MYLK2: variants seen among roughly 807,000 people sequenced by gnomAD.
The protein encoded by MYLK2 is myosin light chain kinase 2.
MYLK2 carries 27 observed loss-of-function variants against 58.2 expected under a neutral mutation model. The ratio of observed to expected loss-of-function variants is 0.46; its 90% CI spans 0.34 to 0.64. The LOEUF (loss-of-function observed/expected upper bound fraction) is 0.64. Among genes scored for constraint, MYLK2 ranks in the 30% least tolerant of loss-of-function variants. The pLI is 0.01. For missense variants in MYLK2, 676 were observed against 764.3 expected, an observed-to-expected ratio of 0.88 and a Z score of 1.36; for synonymous variants, 310 against 296.7, an observed-to-expected ratio of 1.04 and a Z score of -0.46.
intron 8 of MYLK2, among the ~76,000 whole-genome samples, chr20:31,828,965 T>C (rs1016418878): frequency 2.0e-5 from 3 of 152,072 alleles, no homozygotes; most frequent in African/African-American, 7.2e-5. Flanking sequence ...AGATGGAGGA[T>C]ACATTTTGGA....
Position 31,834,125 on chromosome 20 carries a change from GTGGTGA to G in MYLK2, c.*329_*334del, listed in dbSNP as rs2062322173. The G allele has an allele frequency of 2.6e-6, 1 of 389,070 alleles. No individual in the cohort carries two copies. The highest frequency in any genetic ancestry group is 4.9e-6 in the Non-Finnish European group (1 of 205,542). 24.1% of individuals were successfully genotyped at this position (389,070 alleles called of 1,614,324 possible). On this transcript the variant is annotated 3_prime_UTR_variant, in exon 13 of 13. Transcript: ENST00000375985. ...TCCTCGTCTTTGAACTGCCGCCGCC[GTGGTGA>G]CCCCTGCTTTGCCCCACTGGGAGAG...
Position 31,833,652 on chromosome 20 carries a change from C to T in MYLK2, c.1711-65C>T, listed in dbSNP as rs967463755. 3.5e-6 allele frequency: 5 copies of T among 1,432,122 alleles called. No homozygotes were observed. In the Admixed American group the frequency reaches 5.0e-5, roughly 14 times the overall value. The allele number at this position is 1,432,122 out of a possible 1,614,324, so 88.7% of individuals were successfully genotyped here. The stretch of plus-strand genomic sequence containing the variant: ...GACTGAAGGGGACTTACAGGCTGCT[C>T]AGACACCCTGCAGCTGCCCCCCTGC... On this transcript the variant is annotated intron_variant, in intron 12 of 12. Coordinates refer to ENST00000375985, the MANE Select transcript of MYLK2 (RefSeq NM_033118.4).
intron 5 of MYLK2, 22 bp downstream of exon 5, chr20:31,823,604 G>A: frequency 6.2e-7 from 1 of 1,607,862 alleles, no homozygotes; most frequent in Admixed American, 1.7e-5. Flanking sequence ...GACCCCAGCT[G>A]GGCACTCATG....
Position 31,820,337 on chromosome 20 carries a change from G to A in MYLK2, c.264G>A (p.Glu88=), listed in dbSNP as rs2062245924. 1.2e-6 allele frequency: 2 copies of A among 1,612,920 alleles called. No homozygotes were observed. Among genetic ancestry groups the A allele is most frequent in the Non-Finnish European group, 1.7e-6 (2 of 1,179,848 alleles). ...GTGACAGGGGCGGGGGGCCCGCGGA[G>A]GGCAGTGCTGGGCCCCCGGCAGCCC... ...GEGDRGGGPA[E]GSAGPPAALP... The change falls in exon 3 of 13, where the codon GAG becomes GAA. Residue 88 remains glutamate, a synonymous_variant. Transcript: ENST00000375985.
At position 31,833,768 on chromosome 20, in the gene MYLK2, T is replaced by C. The variant is rs1390693355; in HGVS notation, c.1762T>C (p.Ser588Pro). Residue 588 changes from serine (S) to proline (P), a missense_variant, in exon 13 of 13, where the codon TCG becomes CCG. This residue lies in a region of MYLK2 where 370 missense variants were observed against 467.8 expected (regional missense o/e 0.79). Coordinates refer to ENST00000375985, the MANE Select transcript of MYLK2 (RefSeq NM_033118.4). ...CAACCGCTTCAAGAAGATCAGCAGCTCGGGGGCACTGATGGCTCTGGGGGT... is the reference window on the plus strand; with the variant it reads ...CAACCGCTTCAAGAAGATCAGCAGCCCGGGGGCACTGATGGCTCTGGGGGT... ...AANRFKKISS[S>P]GALMALGV 6 of 1,613,534 alleles carry C rather than the reference T, an allele frequency of 3.7e-6. No homozygotes were observed. The highest frequency in any genetic ancestry group is 5.1e-6 in the Non-Finnish European group (6 of 1,180,012).
chr20:31,830,073 T>A (rs1417321020), intron 8 of MYLK2, among the ~76,000 whole-genome samples: 2 of 152,184 alleles, frequency 1.3e-5, no homozygotes, highest in Non-Finnish European at 2.9e-5. Context: ...GAGTCAGTCA[T>A]GCGTTCATTT....
rs2062320728 is a variant in MYLK2 at position 31,833,907 on chromosome 20, G to A, written c.*110G>A. ...CAGATCCCCAGGGCAGCCTCGTTAG[G>A]ACAAGGCTGTGCCAGGCTGGGAGGC... is the stretch of plus-strand genomic sequence containing the variant. On this transcript the variant is annotated 3_prime_UTR_variant, in exon 13 of 13. Transcript: ENST00000375985. 2.9e-6 allele frequency: 3 copies of A among 1,034,800 alleles called. No individual in the cohort carries two copies. Among genetic ancestry groups the A allele is most frequent in the African/African-American group, 3.2e-5 (2 of 63,438 alleles). The allele number at this position is 1,034,800 out of a possible 1,614,324, so 64.1% of individuals were successfully genotyped here.
chr20:31,819,805 G>A (rs1331021052), intron 2 of MYLK2, among the ~76,000 whole-genome samples, 173 bp downstream of exon 2: 1 of 152,218 alleles, frequency 6.6e-6, no homozygotes, highest in Admixed American at 6.5e-5. Flanking sequence ...TCCAGGGCCT[G>A]TATGAAGCCC....
chr20:31,824,255 C>T lies in MYLK2; in HGVS notation c.879-4C>T, dbSNP rs2062267194. On this transcript the variant is annotated splice_region_variant and splice_polypyrimidine_tract_variant and intron_variant, in intron 5 of 12. Coordinates refer to ENST00000375985, the MANE Select transcript of MYLK2 (RefSeq NM_033118.4). The stretch of plus-strand genomic sequence containing the variant: ...CCCTCACTTACAGCCTCTTCTCTTT[C>T]CAGTGGCAAGTTTGGGGCAGTCTGT... The T allele has an allele frequency of 6.2e-7, 1 of 1,613,048 alleles. No homozygotes were observed. The highest frequency in any genetic ancestry group is 2.2e-5 in the East Asian group (1 of 44,862).
intron 8 of MYLK2, chr20:31,828,784 G>T: frequency 1.1e-6 from 1 of 943,880 alleles, no homozygotes; most frequent in Non-Finnish European, 1.3e-6. Flanking sequence ...GGTTAGGTGT[G>T]TTAATATCAC....
intron 12 of MYLK2, among the ~76,000 whole-genome samples, chr20:31,833,032 A>G (rs2062314422): frequency 6.6e-6 from 1 of 152,130 alleles, no homozygotes; most frequent in Non-Finnish European, 1.5e-5. Context: ...GACCACAGAC[A>G]TATGCCACCA....
At chr20:31,829,740 G>C (rs1242905939) in intron 8 of MYLK2, among the ~76,000 whole-genome samples, 2 of 152,206 alleles carry the variant, frequency 1.3e-5, no homozygotes, top group African/African-American at 4.8e-5. Context: ...GGAATTCAGG[G>C]TTTTTGTGCA....
rs764056444 is a variant in MYLK2 at position 31,831,709 on chromosome 20, C to T, written c.1431C>T (p.Ser477=). ...TGCTATCCCCTCCCTCTAGGCTGAG[C>T]GGCCTCTCCCCCTTCCTGGGAGATG... ...SMGVITYMLL[S]GLSPFLGDDD... is the part of the protein sequence containing the mutation. The change falls in exon 11 of 13, where the codon AGC becomes AGT. Residue 477 remains serine (S), a synonymous_variant. Coordinates refer to ENST00000375985, the MANE Select transcript of MYLK2 (RefSeq NM_033118.4). 3.3e-5 allele frequency: 54 copies of T among 1,613,932 alleles called. No homozygotes were observed. In the South Asian group the frequency reaches 4.9e-4, roughly 15 times the overall value.
At chr20:31,833,130 G>A (rs147977423) in intron 12 of MYLK2, among the ~76,000 whole-genome samples, 1,903 of 152,002 alleles carry the variant, frequency 0.013, 35 homozygotes, top group African/African-American at 0.044. Flanking sequence ...TTGGCCTCTC[G>A]AAGTGTTGGG....
In MYLK2 at chr20:31,831,793, C is replaced by G. The variant is rs930435016; in HGVS notation, c.1515C>G (p.Thr505=). 1.9e-6 allele frequency: 3 copies of G among 1,614,148 alleles called. No homozygotes were observed. Among genetic ancestry groups the G allele is most frequent in the Non-Finnish European group, 2.5e-6 (3 of 1,180,016 alleles). ...LSGNWYFDEE[T]FEAVSDEAKD... ...GCAACTGGTACTTTGATGAAGAGAC[C>G]TTTGAGGCCGTATCAGACGAGGCCA... The change falls in exon 11 of 13, where the codon ACC becomes ACG. Residue 505 remains threonine, a synonymous_variant. Coordinates refer to ENST00000375985, the MANE Select transcript of MYLK2 (RefSeq NM_033118.4).
Position 31,823,580 on chromosome 20 carries a change from AG to A in MYLK2, c.878+1del. ...FSMNSKEALG[G>X]GKFGAVCTCM... ...GTATGAACTCCAAGGAGGCGCTCGG[AG>A]GGTGAGATCTGGGACCCCAGCTGGG... On this transcript the variant is annotated frameshift_variant and splice_region_variant, in exon 5 of 13. Coordinates refer to ENST00000375985, the MANE Select transcript of MYLK2 (RefSeq NM_033118.4). LOFTEE classifies it high-confidence loss of function. The A allele has an allele frequency of 6.2e-7, 1 of 1,613,802 alleles. No homozygotes were observed. Among genetic ancestry groups the A allele is most frequent in the Non-Finnish European group, 8.5e-7 (1 of 1,179,932 alleles).
At chr20:31,820,667 ACATTCAGTT>A (rs1332483340) in intron 3 of MYLK2, 121 bp downstream of exon 3, 3 of 1,271,222 alleles carry the variant, frequency 2.4e-6, no homozygotes, top group Non-Finnish European at 3.3e-6. Flanking sequence ...TGTAGTTCTG[ACATTCAGTT>A]TCCTCTGTCC....
Position 31,832,085 on chromosome 20 carries a change from C to T in MYLK2, c.1659C>T (p.Arg553=), listed in dbSNP as rs727504624. ...AGAAAGCCAAACGCTGTAACCGACGCCTTAAGTCCCAGATCTTGCTTAAGA... is the reference window on the plus strand; with the variant it reads ...AGAAAGCCAAACGCTGTAACCGACGTCTTAAGTCCCAGATCTTGCTTAAGA... The part of the protein sequence containing the change: ...LAEKAKRCNR[R]LKSQILLKKY... Residue 553 remains arginine, a synonymous_variant, in exon 12 of 13, where the codon CGC becomes CGT. Coordinates refer to ENST00000375985, the MANE Select transcript of MYLK2 (RefSeq NM_033118.4). The T allele has an allele frequency of 1.4e-5, 22 of 1,609,120 alleles. No individual in the cohort carries two copies. Among genetic ancestry groups the T allele is most frequent in the Admixed American group, 6.8e-5 (4 of 59,158 alleles).
Position 31,834,200 on chromosome 20 carries a change from G to T in MYLK2, c.*403G>T. 4.1e-6 allele frequency: 1 copy of T among 244,744 alleles called. No individual in the cohort carries two copies. Among genetic ancestry groups the T allele is most frequent in the East Asian group, 9.6e-5 (1 of 10,398 alleles). 15.2% of individuals were successfully genotyped at this position (244,744 alleles called of 1,614,324 possible). A position where few individuals can be genotyped will look rare whatever the true frequency, so the allele number is the denominator to read the frequency against. On this transcript the variant is annotated 3_prime_UTR_variant, in exon 13 of 13. Coordinates refer to ENST00000375985, the MANE Select transcript of MYLK2 (RefSeq NM_033118.4). ...TCCTAGCTGGAGTGCCATGGCTGGG[G>T]GGTCTCAGCATGTAGGGCTTCTGTG...
Sources: gnomAD v4.1 joint callset for allele counts (sites outside exome capture counted in the v4.1 genomes callset) on GRCh38, gnomAD v4.1.1 for gene constraint, gnomAD v4.1.1 regional missense constraint, MANE v1.5 for transcripts, NCBI Gene and HGNC (gene_info 2026-07-23, HGNC 2026-07-21) for gene names.